Variants in GALNT10 observed in about 807,000 individuals in gnomAD.
The protein encoded by GALNT10 is polypeptide N-acetylgalactosaminyltransferase 10.
A neutral mutation model predicts 75.0 loss-of-function variants in GALNT10; 41 were observed. That is an observed-to-expected ratio of 0.55 (90% CI 0.43 to 0.71). The LOEUF (loss-of-function observed/expected upper bound fraction) is 0.71. Among genes scored for constraint, GALNT10 ranks in the 30% least tolerant of loss-of-function variants. The probability of loss-of-function intolerance (pLI) is 0.00; values close to 1 mark genes in which losing one functional copy is unlikely to be tolerated. For synonymous variants in GALNT10, 302 were observed against 313.0 expected, an observed-to-expected ratio of 0.96 and a Z score of 0.37; for missense variants, 727 against 818.5, an observed-to-expected ratio of 0.89 and a Z score of 1.36.
intron 7 of GALNT10, among the ~76,000 whole-genome samples, chr5:154,390,396 C>T (rs1755875802): frequency 6.6e-6 from 1 of 152,192 alleles, no homozygotes; most frequent in South Asian, 2.1e-4. Context: ...ACCAGATGTA[C>T]TCTAACACCC....
chr5:154,219,661 G>A (rs865823636), intron 1 of GALNT10: 1 of 152,186 alleles, frequency 6.6e-6, no homozygotes, highest in Non-Finnish European at 1.5e-5. Flanking sequence ...GTGGGCCGGG[G>A]AATCTGCATG....
intron 4 of GALNT10, among the ~76,000 whole-genome samples, chr5:154,369,463 C>A (rs1424715977): frequency 1.3e-5 from 2 of 152,102 alleles, no homozygotes; most frequent in Non-Finnish European, 2.9e-5. Flanking sequence ...GGCCTAGGCA[C>A]GTGGTAAGCA....
intron 1 of GALNT10, among the ~76,000 whole-genome samples, chr5:154,268,357 C>T (rs1484809483): frequency 6.6e-6 from 1 of 152,192 alleles, no homozygotes; most frequent in East Asian, 1.9e-4. Context: ...AAAGGTTACA[C>T]TCCCTGGGTT....
At chr5:154,397,094 T>G (rs2113202979) in intron 7 of GALNT10, among the ~76,000 whole-genome samples, 1 of 149,054 alleles carries the variant, frequency 6.7e-6, no homozygotes, top group Non-Finnish European at 1.5e-5. Flanking sequence ...GCCATTGTAC[T>G]CCATCCTGGG....
At chr5:154,369,214 C>T (rs1390594296) in intron 4 of GALNT10, among the ~76,000 whole-genome samples, 1 of 152,042 alleles carries the variant, frequency 6.6e-6, no homozygotes, top group Non-Finnish European at 1.5e-5. Flanking sequence ...GTGGCGAAAC[C>T]CCATCTCTAC....
chr5:154,216,820 C>A (rs1581922486), intron 1 of GALNT10, among the ~76,000 whole-genome samples: 1 of 152,120 alleles, frequency 6.6e-6, no homozygotes, highest in East Asian at 1.9e-4. Context: ...TACTTACTGG[C>A]AACAACCTTT....
chr5:154,207,711 A>T (rs1478270541), intron 1 of GALNT10, among the ~76,000 whole-genome samples: 1 of 152,126 alleles, frequency 6.6e-6, no homozygotes, highest in Non-Finnish European at 1.5e-5. Context: ...AAGGGATTCC[A>T]GGTAGAGGAG....
intron 1 of GALNT10, among the ~76,000 whole-genome samples, chr5:154,293,712 C>T (rs72808642): frequency 0.091 from 13,661 of 150,826 alleles, 671 homozygotes; most frequent in African/African-American, 0.12. Context: ...CAAGACCATA[C>T]AGATGTCCAA....
Position 154,412,695 on chromosome 5 carries a change from A to G in GALNT10, c.1387-194A>G. 3 of 586,280 alleles carry G rather than the reference A, an allele frequency of 5.1e-6. No individual in the cohort carries two copies. The highest frequency in any genetic ancestry group is 9.3e-6 in the Non-Finnish European group (3 of 323,522). 36.3% of individuals were successfully genotyped at this position (586,280 alleles called of 1,614,324 possible). On this transcript the variant is annotated intron_variant, in intron 9 of 11. Coordinates refer to ENST00000297107, the MANE Select transcript of GALNT10 (RefSeq NM_198321.4). The surrounding 1 kb of genome is among the most constrained non-coding windows in gnomAD (Gnocchi z 4.2). ...TACTTACAGCAGTGCTTTAAGGATTACATTCTGTGGACTGAGTCTTCCTTC... is the reference window on the plus strand; with the variant it reads ...TACTTACAGCAGTGCTTTAAGGATTGCATTCTGTGGACTGAGTCTTCCTTC...
In GALNT10 at chr5:154,221,627, A is replaced by C. The variant is rs1445872181; in HGVS notation, c.159+30602A>C. Among the ~76,000 whole-genome samples, 4 of 152,320 alleles carry C rather than the reference A, an allele frequency of 2.6e-5. No homozygotes were observed. In the South Asian group the frequency reaches 6.2e-4, roughly 24 times the overall value. On this transcript the variant is annotated intron_variant, in intron 1 of 11. Coordinates refer to ENST00000297107, the MANE Select transcript of GALNT10 (RefSeq NM_198321.4). ...TTTCACAGTGAACACAGGAAAAGGA[A>C]AAAAAACCACAGGAATGCAACCTGA...
chr5:154,374,164 G>A (rs192324541), intron 4 of GALNT10, among the ~76,000 whole-genome samples: 1 of 152,256 alleles, frequency 6.6e-6, no homozygotes, highest in Non-Finnish European at 1.5e-5. Flanking sequence ...CTTTTGGAAA[G>A]ATTTAGTCCC....
At chr5:154,363,050 A>T (rs1244112454) in intron 4 of GALNT10, among the ~76,000 whole-genome samples, 1 of 152,230 alleles carries the variant, frequency 6.6e-6, no homozygotes, top group African/African-American at 2.4e-5. Context: ...GGCTTCAGTT[A>T]ATTTGAAGAT....
intron 1 of GALNT10, among the ~76,000 whole-genome samples, chr5:154,208,575 A>T (rs369867354): frequency 9.9e-5 from 15 of 152,180 alleles, no homozygotes; most frequent in East Asian, 5.8e-4. Flanking sequence ...CATACACAAA[A>T]CACTTGGAAT....
At chr5:154,383,139 C>A (rs1222729175) in intron 6 of GALNT10, among the ~76,000 whole-genome samples, 9 of 151,834 alleles carry the variant, frequency 5.9e-5, no homozygotes, top group Admixed American at 5.2e-4. Flanking sequence ...GCCCTCCATC[C>A]TCTCCCATGA....
chr5:154,417,854 C>T lies in GALNT10; in HGVS notation c.*882C>T, dbSNP rs1374059784. The T allele has an allele frequency of 1.3e-5, 2 of 152,242 alleles. No homozygotes were observed. The highest frequency in any genetic ancestry group is 6.5e-5 in the Admixed American group (1 of 15,284). 9.4% of individuals were successfully genotyped at this position (152,242 alleles called of 1,614,324 possible). On this transcript the variant is annotated 3_prime_UTR_variant, in exon 12 of 12. Transcript: ENST00000297107. Reference sequence around the variant, plus strand: ...CTGATCCATGCTTCCATTTCCCTGTCTCTCTTCCCCAGGCAATTACTGGCC... The same window carrying T: ...CTGATCCATGCTTCCATTTCCCTGTTTCTCTTCCCCAGGCAATTACTGGCC...
At chr5:154,210,989 G>C (rs1385071360) in intron 1 of GALNT10, among the ~76,000 whole-genome samples, 1 of 152,222 alleles carries the variant, frequency 6.6e-6, no homozygotes, top group Non-Finnish European at 1.5e-5. Context: ...TGATAAAACA[G>C]ATGTGGAGAA....
rs912343114 is a variant in GALNT10 at position 154,293,611 on chromosome 5, A to AT, written c.160-1204dup. Among the ~76,000 whole-genome samples, 26 of 96,780 alleles carry AT rather than the reference A, an allele frequency of 2.7e-4. 1 individual carries two copies. The highest frequency in any genetic ancestry group is 1.1e-3 in the African/African-American group (24 of 22,602). The allele number at this position is 96,780 out of a possible 152,430, so 63.5% of individuals were successfully genotyped here. A position where few individuals can be genotyped will look rare whatever the true frequency, so the allele number is the denominator to read the frequency against. ...TTGGGGCTGATATATATATATATAT[A>AT]TATTTTTTTTTTCCTTTCAGCCATT... is the stretch of plus-strand genomic sequence containing the variant. On this transcript the variant is annotated intron_variant, in intron 1 of 11. Coordinates refer to ENST00000297107, the MANE Select transcript of GALNT10 (RefSeq NM_198321.4).
intron 8 of GALNT10, among the ~76,000 whole-genome samples, chr5:154,408,576 T>C (rs1348305440): frequency 1.3e-5 from 2 of 151,868 alleles, no homozygotes; most frequent in East Asian, 3.9e-4. Context: ...TCTTCCTCTG[T>C]CCCCAAGTCT....
Position 154,297,857 on chromosome 5 carries a change from A to G in GALNT10, c.263-84A>G, listed in dbSNP as rs1754304135. 3.2e-6 allele frequency: 4 copies of G among 1,239,042 alleles called. No homozygotes were observed. In the South Asian group the frequency reaches 5.5e-5, roughly 17 times the overall value. The allele number at this position is 1,239,042 out of a possible 1,614,324, so 76.8% of individuals were successfully genotyped here. A position where few individuals can be genotyped will look rare whatever the true frequency, so the allele number is the denominator to read the frequency against. On this transcript the variant is annotated intron_variant, in intron 2 of 11. Transcript: ENST00000297107. ...AATCAAGTTTTATCTTGGAGGTTTA[A>G]TCATATTTTTCATCCTTTTTCCCCA...
Sources: allele counts gnomAD v4.1 joint callset (sites outside exome capture counted in the v4.1 genomes callset), GRCh38; gene constraint gnomAD v4.1.1; non-coding constraint Gnocchi (gnomAD v3.1); transcripts MANE v1.5; gene names NCBI Gene and HGNC (gene_info 2026-07-23, HGNC 2026-07-21).